Variants in CACNG2 observed in about 807,000 individuals in gnomAD.
CACNG2 encodes voltage-dependent calcium channel gamma-2 subunit.
A neutral mutation model predicts 25.9 loss-of-function variants in CACNG2; 3 were observed. That is an observed-to-expected ratio of 0.12 (90% CI 0.05 to 0.30). CACNG2 has a LOEUF of 0.30. Among genes scored for constraint, CACNG2 ranks in the 10% least tolerant of loss-of-function variants. CACNG2 has a pLI of 1.00. For synonymous variants in CACNG2, 167 were observed against 173.3 expected, an observed-to-expected ratio of 0.96 and a Z score of 0.29; for missense variants, 341 against 432.5, an observed-to-expected ratio of 0.79 and a Z score of 1.88.
intron 1 of CACNG2, among the ~76,000 whole-genome samples, chr22:36,658,814 C>T (rs1272023317): frequency 6.6e-6 from 1 of 151,874 alleles, no homozygotes; most frequent in African/African-American, 2.4e-5. Flanking sequence ...GGGGACAGGG[C>T]AAGAGTGTGC....
At chr22:36,594,609 G>C (rs1257425494) in intron 1 of CACNG2, among the ~76,000 whole-genome samples, 2 of 152,182 alleles carry the variant, frequency 1.3e-5, no homozygotes, top group African/African-American at 4.8e-5. Context: ...CTCCTGAGGA[G>C]GAGCAGGTGC....
chr22:36,679,220 TTC>T (rs1937062745), intron 1 of CACNG2, among the ~76,000 whole-genome samples: 1 of 146,754 alleles, frequency 6.8e-6, no homozygotes, highest in South Asian at 2.2e-4. Context: ...CTTTCTTTCT[TTC>T]TTTCTTTCCT....
intron 1 of CACNG2, among the ~76,000 whole-genome samples, chr22:36,641,075 T>C (rs1268231785): frequency 6.6e-6 from 1 of 152,186 alleles, no homozygotes; most frequent in Non-Finnish European, 1.5e-5. Context: ...CAGGGCTCTG[T>C]TCAATGACCG....
chr22:36,701,069 C>T (rs934127262), intron 1 of CACNG2, among the ~76,000 whole-genome samples: 13 of 152,138 alleles, frequency 8.5e-5, no homozygotes, highest in Non-Finnish European at 1.3e-4. Context: ...TCTTCTCCCC[C>T]ATCTCCTAGT....
chr22:36,606,975 G>A lies in CACNG2; in HGVS notation c.212-19427C>T, dbSNP rs953991019. On this transcript the variant is annotated intron_variant, in intron 1 of 3. Coordinates refer to ENST00000300105, the MANE Select transcript of CACNG2 (RefSeq NM_006078.5). This position sits in a 1 kb window ranked among gnomAD's most constrained non-coding sequence, Gnocchi z 5.7. ...GTGTAGGTATTATGTGTATGTCTGT[G>A]TGTGGTGTGTTTGTATGTGTGTGGT... Among the ~76,000 whole-genome samples the A allele has an allele frequency of 1.3e-5, 2 of 151,606 alleles. No homozygotes were observed. The highest frequency in any genetic ancestry group is 2.9e-5 in the Non-Finnish European group (2 of 67,864).
chr22:36,702,709 T>C lies in CACNG2; in HGVS notation c.-133A>G. On this transcript the variant is annotated 5_prime_UTR_variant, in exon 1 of 4. Coordinates refer to ENST00000300105, the MANE Select transcript of CACNG2 (RefSeq NM_006078.5). ...ACTACTAATATAATGGATATATGTA[T>C]GAATAGAGAATATGGAGAGTTATAA... 1 of 678,690 alleles carries C rather than the reference T, an allele frequency of 1.5e-6. No homozygotes were observed. The highest frequency in any genetic ancestry group is 2.6e-6 in the Non-Finnish European group (1 of 385,440). The allele number at this position is 678,690 out of a possible 1,614,324, so 42.0% of individuals were successfully genotyped here.
chr22:36,618,888 C>G (rs1481277502), intron 1 of CACNG2, among the ~76,000 whole-genome samples: 4 of 151,818 alleles, frequency 2.6e-5, no homozygotes, highest in Non-Finnish European at 4.4e-5. Flanking sequence ...CCACTACACT[C>G]CAGCCTAGGC....
chr22:36,571,581 A>G (rs904056934), intron 2 of CACNG2, among the ~76,000 whole-genome samples: 9 of 151,560 alleles, frequency 5.9e-5, no homozygotes, highest in African/African-American at 2.2e-4. Flanking sequence ...GTGCTGTTAT[A>G]AGAATTAAAT....
intron 1 of CACNG2, among the ~76,000 whole-genome samples, chr22:36,660,081 G>A (rs994863130): frequency 2.6e-5 from 4 of 152,240 alleles, no homozygotes; most frequent in Admixed American, 2.6e-4. Flanking sequence ...TCCCAGGTCA[G>A]CTCTCATTCC....
rs1937426834 is a variant in CACNG2 at position 36,702,783 on chromosome 22, T to C, written c.-207A>G. ...CGGAAAAGAGTGTAAATTATAAAGA[T>C]CACACGGGAAGAGGCTTGCCTTTTG... On this transcript the variant is annotated 5_prime_UTR_variant, in exon 1 of 4. Transcript: ENST00000300105. 1 of 492,736 alleles carries C rather than the reference T, an allele frequency of 2.0e-6. No individual in the cohort carries two copies. The highest frequency in any genetic ancestry group is 3.6e-6 in the Non-Finnish European group (1 of 280,490). 30.5% of individuals were successfully genotyped at this position (492,736 alleles called of 1,614,324 possible).
intron 1 of CACNG2, among the ~76,000 whole-genome samples, chr22:36,628,475 C>T (rs1480478313): frequency 2.0e-5 from 3 of 152,212 alleles, no homozygotes; most frequent in African/African-American, 7.2e-5. Context: ...AGTTTCTCTC[C>T]GTAGGAGCCC....
Position 36,564,859 on chromosome 22 carries a change from A to G in CACNG2, c.464T>C (p.Val155Ala). Residue 155 changes from valine (V) to alanine (A), a missense_variant, in exon 4 of 4, where the codon GTG becomes GCG. By Grantham distance (64) the Val-to-Ala change is moderately conservative. This residue lies in a region of CACNG2 where 169 missense variants were observed against 254.4 expected (regional missense o/e 0.66). Coordinates refer to ENST00000300105, the MANE Select transcript of CACNG2 (RefSeq NM_006078.5). The surrounding 1 kb of genome is among the most constrained non-coding windows in gnomAD (Gnocchi z 6.7). Reference sequence around the variant, plus strand: ...GTCTCCGGCATTGGCAGATATGTACACTATGATGCCAATGATGTTACTCAG... The same window carrying G: ...GTCTCCGGCATTGGCAGATATGTACGCTATGATGCCAATGATGTTACTCAG... Reference protein sequence around the residue: ...AGLSNIIGIIVYISANAGDPS... With the variant: ...AGLSNIIGIIAYISANAGDPS... 1 of 1,613,788 alleles carries G rather than the reference A, an allele frequency of 6.2e-7. No individual in the cohort carries two copies. Among genetic ancestry groups the G allele is most frequent in the African/African-American group, 1.3e-5 (1 of 75,012 alleles).
At chr22:36,588,650 G>A (rs1274873688) in intron 1 of CACNG2, among the ~76,000 whole-genome samples, 1 of 152,218 alleles carries the variant, frequency 6.6e-6, no homozygotes, top group Non-Finnish European at 1.5e-5. Context: ...GTCCAGCTGT[G>A]CATCACTCAG....
chr22:36,666,736 T>C (rs1466529111), intron 1 of CACNG2, among the ~76,000 whole-genome samples: 1 of 144,608 alleles, frequency 6.9e-6, no homozygotes, highest in Non-Finnish European at 1.5e-5. Context: ...AACAAACCTA[T>C]GAGTGGAGGC....
Position 36,564,795 on chromosome 22 carries a change from G to A in CACNG2, c.528C>T (p.Tyr176=), listed in dbSNP as rs1935098564. 4 of 1,614,192 alleles carry A rather than the reference G, an allele frequency of 2.5e-6. No individual in the cohort carries two copies. Among genetic ancestry groups the A allele is most frequent in the South Asian group, 2.2e-5 (2 of 91,080 alleles). The change falls in exon 4 of 4, where the codon TAC becomes TAT. Residue 176 remains tyrosine (Y), a synonymous_variant. Transcript: ENST00000300105. This position sits in a 1 kb window ranked among gnomAD's most constrained non-coding sequence, Gnocchi z 6.7. ...KSDSKKNSYS[Y]GWSFYFGALS... ...GGGCCCCGAAGTAGAAGGACCAGCC[G>A]TATGAGTAACTATTCTTTTTGGAGT...
chr22:36,654,880 T>G (rs932418159), intron 1 of CACNG2, among the ~76,000 whole-genome samples: 2 of 152,090 alleles, frequency 1.3e-5, no homozygotes, highest in Non-Finnish European at 2.9e-5. Flanking sequence ...CTATCCTAAT[T>G]TAGTTTTTTG....
intron 1 of CACNG2, among the ~76,000 whole-genome samples, chr22:36,613,166 G>C (rs1001176254): frequency 1.8e-4 from 21 of 119,078 alleles, no homozygotes; most frequent in Admixed American, 1.5e-3. Flanking sequence ...CTGTGTGTGT[G>C]TGTGTGTGTG....
At chr22:36,688,212 A>G (rs1025770364) in intron 1 of CACNG2, among the ~76,000 whole-genome samples, 6 of 152,142 alleles carry the variant, frequency 3.9e-5, no homozygotes, top group African/African-American at 1.4e-4. Flanking sequence ...CTTTCTTCTT[A>G]TATCTCTGGT....
chr22:36,596,954 G>A (rs1192794839), intron 1 of CACNG2, among the ~76,000 whole-genome samples: 1 of 151,952 alleles, frequency 6.6e-6, no homozygotes, highest in Non-Finnish European at 1.5e-5. Context: ...GTCTCGCCAT[G>A]TTGCCTAGGC....
Sources: allele counts gnomAD v4.1 joint callset (sites outside exome capture counted in the v4.1 genomes callset), GRCh38; gene constraint gnomAD v4.1.1; regional missense constraint gnomAD v4.1.1; non-coding constraint Gnocchi (gnomAD v3.1); transcripts MANE v1.5; gene names NCBI Gene and HGNC (gene_info 2026-07-23, HGNC 2026-07-21).